FBXO45: variants seen among roughly 807,000 people sequenced by gnomAD.
The protein encoded by FBXO45 is F-box protein 45.
FBXO45 carries 3 observed loss-of-function variants against 25.5 expected under a neutral mutation model. The observed-to-expected ratio is 0.12, with a 90% CI of 0.05 to 0.30. FBXO45 has a LOEUF of 0.30. Among genes scored for constraint, FBXO45 ranks in the 10% least tolerant of loss-of-function variants. FBXO45 has a pLI of 1.00. For missense variants in FBXO45, 219 were observed against 365.0 expected (o/e 0.60, Z 3.26); for synonymous variants, 155 against 149.8 (o/e 1.03, Z -0.25).
intron 2 of FBXO45, among the ~76,000 whole-genome samples, chr3:196,581,123 A>G (rs1394558288): frequency 1.3e-5 from 2 of 151,110 alleles, no homozygotes; most frequent in Admixed American, 6.6e-5. Context: ...CAAGGTTATA[A>G]ATTTTTTTCT....
chr3:196,581,491 A>G (rs1041750615), intron 2 of FBXO45, among the ~76,000 whole-genome samples: 2 of 151,980 alleles, frequency 1.3e-5, no homozygotes, highest in African/African-American at 4.8e-5. Flanking sequence ...GGCCTCCCAA[A>G]GTGAAAGTAC....
intron 1 of FBXO45, among the ~76,000 whole-genome samples, chr3:196,573,531 T>C (rs542244160): frequency 6.6e-6 from 1 of 152,280 alleles, no homozygotes; most frequent in African/African-American, 2.4e-5. Context: ...CTGGAACAGG[T>C]ACATCGAGGA....
intron 1 of FBXO45, among the ~76,000 whole-genome samples, chr3:196,575,469 AAAAG>A (rs1282006095): frequency 2.0e-5 from 3 of 151,770 alleles, no homozygotes; most frequent in African/African-American, 4.8e-5. Flanking sequence ...AAAAAAAAAA[AAAAG>A]AAAAGGAAGT....
chr3:196,574,854 C>T (rs1560317207), intron 1 of FBXO45, among the ~76,000 whole-genome samples: 1 of 152,118 alleles, frequency 6.6e-6, no homozygotes, highest in East Asian at 1.9e-4. Context: ...ACATATAATA[C>T]TTTCAGCAAG....
intron 1 of FBXO45, among the ~76,000 whole-genome samples, chr3:196,575,902 T>G (rs1735905311): frequency 6.6e-6 from 1 of 152,162 alleles, no homozygotes; most frequent in African/African-American, 2.4e-5. Flanking sequence ...AGTCTTGAAC[T>G]CCGAGTTCAG....
rs143653920 is a variant in FBXO45, at chr3:196,584,622, G to C, written c.*304G>C. On this transcript the variant is annotated 3_prime_UTR_variant, in exon 3 of 3. Coordinates refer to ENST00000311630, the MANE Select transcript of FBXO45 (RefSeq NM_001105573.2). This position sits in a 1 kb window ranked among gnomAD's most constrained non-coding sequence, Gnocchi z 4.3. The stretch of plus-strand genomic sequence containing the variant: ...TTAAAGGTGAGATTGTAGAGATGCT[G>C]TCAAAGGGATAAGGAAATAGCAAGA... The C allele has an allele frequency of 4.0e-4, 90 of 223,154 alleles. No individual in the cohort carries two copies. Among genetic ancestry groups the C allele is most frequent in the African/African-American group, 1.8e-3 (81 of 43,968 alleles). The allele number at this position is 223,154 out of a possible 1,614,324, so 13.8% of individuals were successfully genotyped here. A position where few individuals can be genotyped will look rare whatever the true frequency, so the allele number is the denominator to read the frequency against.
Position 196,577,706 on chromosome 3 carries a change from G to T in FBXO45, c.572G>T (p.Ser191Ile). ...CAAGGTTATGTGGCATTGCTGGGCAGTGATGACCAGAGCTGGGGCTGGAAT... is the reference window on the plus strand; with the variant it reads ...CAAGGTTATGTGGCATTGCTGGGCATTGATGACCAGAGCTGGGGCTGGAAT... The part of the protein sequence containing the change: ...QCQGYVALLG[S>I]DDQSWGWNLV... Residue 191 changes from serine (S) to isoleucine (I), a missense_variant, in exon 2 of 3, where the codon AGT becomes ATT. Physicochemically the swap from Ser to Ile is moderately radical, Grantham distance 142 (BLOSUM62 -2). Transcript: ENST00000311630. The T allele has an allele frequency of 6.2e-7, 1 of 1,614,018 alleles. No homozygotes were observed. The highest frequency in any genetic ancestry group is 1.1e-5 in the South Asian group (1 of 91,076).
chr3:196,580,290 C>G (rs1735987063), intron 2 of FBXO45, among the ~76,000 whole-genome samples: 1 of 151,728 alleles, frequency 6.6e-6, no homozygotes, highest in South Asian at 2.1e-4. Context: ...ACCGCAACCT[C>G]TGCCTCCCGG....
chr3:196,574,632 A>C (rs899819924), intron 1 of FBXO45, among the ~76,000 whole-genome samples: 1 of 152,124 alleles, frequency 6.6e-6, no homozygotes. Flanking sequence ...AGGTGTGATC[A>C]ATTTAGATTA....
Position 196,569,573 on chromosome 3 carries a change from C to T in FBXO45, c.318+271C>T, listed in dbSNP as rs1245128106. Among the ~76,000 whole-genome samples, 2 of 152,132 alleles carry T rather than the reference C, an allele frequency of 1.3e-5. No homozygotes were observed. Among genetic ancestry groups the T allele is most frequent in the African/African-American group, 2.4e-5 (1 of 41,432 alleles). On this transcript the variant is annotated intron_variant, in intron 1 of 2. Transcript: ENST00000311630. The surrounding 1 kb of genome is among the most constrained non-coding windows in gnomAD (Gnocchi z 4.1). ...TCATTCAACTTTTGACAGTTTTCCC[C>T]GTTAAAGACAGACCACCACTCTTGT...
rs940735736 is a variant in FBXO45, at chr3:196,587,163, T to G, written c.*2845T>G. On this transcript the variant is annotated 3_prime_UTR_variant, in exon 3 of 3. Transcript: ENST00000311630. ...GACGTTACTATTATCCCTACTATGG[T>G]CTTCTGTCATACTGAGACAGGCTGT... The G allele has an allele frequency of 6.6e-6, 1 of 152,190 alleles. No homozygotes were observed. The allele number at this position is 152,190 out of a possible 1,614,324, so 9.4% of individuals were successfully genotyped here. A position where few individuals can be genotyped will look rare whatever the true frequency, so the allele number is the denominator to read the frequency against.
chr3:196,578,027 G>T (rs1735945321), intron 2 of FBXO45, among the ~76,000 whole-genome samples: 3 of 106,508 alleles, frequency 2.8e-5, no homozygotes, highest in African/African-American at 1.2e-4. Context: ...TTTTGATTTT[G>T]GCTATGCAGA....
chr3:196,575,795 G>A (rs1031967226), intron 1 of FBXO45, among the ~76,000 whole-genome samples: 3 of 151,318 alleles, frequency 2.0e-5, no homozygotes, highest in African/African-American at 4.9e-5. Context: ...TTCTGCCTCA[G>A]CCTCCCAAGT....
intron 1 of FBXO45, among the ~76,000 whole-genome samples, chr3:196,576,079 G>T (rs1272731643): frequency 2.6e-5 from 4 of 152,196 alleles, no homozygotes; most frequent in African/African-American, 9.6e-5. Context: ...TATTGTGAAT[G>T]CATGGGATAC....
At chr3:196,582,362 G>T (rs1736027590) in intron 2 of FBXO45, among the ~76,000 whole-genome samples, 1 of 152,160 alleles carries the variant, frequency 6.6e-6, no homozygotes, top group Non-Finnish European at 1.5e-5. Flanking sequence ...GTTGGTAGGA[G>T]TGGTGGTGAT....
chr3:196,572,206 A>G (rs1172690385), intron 1 of FBXO45, among the ~76,000 whole-genome samples: 1 of 150,320 alleles, frequency 6.7e-6, no homozygotes, highest in Non-Finnish European at 1.5e-5. Context: ...ATTTAAAAAA[A>G]TGAGTGCCAG....
At chr3:196,571,272 G>C (rs1014382027) in intron 1 of FBXO45, among the ~76,000 whole-genome samples, 5 of 152,022 alleles carry the variant, frequency 3.3e-5, no homozygotes, top group African/African-American at 1.2e-4. Flanking sequence ...TGTCGCCCAG[G>C]CTGCAGTGCA....
intron 1 of FBXO45, among the ~76,000 whole-genome samples, chr3:196,570,286 G>A (rs1276753055): frequency 2.0e-5 from 3 of 148,710 alleles, no homozygotes; most frequent in African/African-American, 2.5e-5. Context: ...TTTTTGAGAC[G>A]GAGTGCAATG....
intron 1 of FBXO45, among the ~76,000 whole-genome samples, chr3:196,574,978 G>A (rs1735888731): frequency 6.6e-6 from 1 of 151,996 alleles, no homozygotes; most frequent in East Asian, 1.9e-4. Flanking sequence ...ACTACCAGAG[G>A]TTATAGAACT....
Sources: gnomAD v4.1 joint callset for allele counts (sites outside exome capture counted in the v4.1 genomes callset) on GRCh38, gnomAD v4.1.1 for gene constraint, Gnocchi (gnomAD v3.1) non-coding constraint, MANE v1.5 for transcripts, NCBI Gene and HGNC (gene_info 2026-07-23, HGNC 2026-07-21) for gene names.